LRRC4C: variants seen among roughly 807,000 people sequenced by gnomAD.
The protein encoded by LRRC4C is leucine-rich repeat-containing protein 4C.
In LRRC4C, 5 loss-of-function variants were observed where a neutral mutation model predicts 33.6. That is an observed-to-expected ratio of 0.15 (90% CI 0.08 to 0.31). LRRC4C has a LOEUF of 0.31. LRRC4C is among the 10% of genes least tolerant of loss of function. LRRC4C has a pLI of 1.00. For synonymous variants in LRRC4C, 329 were observed against 302.0 expected (o/e 1.09, Z -0.93); for missense variants, 560 against 796.7 (o/e 0.70, Z 3.58).
At chr11:40,630,330 CTCTTCT>C (rs200043868) in intron 3 of LRRC4C, among the ~76,000 whole-genome samples, 13,333 of 135,088 alleles carry the variant, frequency 0.099, 763 homozygotes, top group East Asian at 0.16. Flanking sequence ...TTTCTTCTTC[CTCTTCT>C]TCTTCTTCTT....
At chr11:40,920,385 AAT>A (rs527850985) in intron 2 of LRRC4C, among the ~76,000 whole-genome samples, 2 of 152,148 alleles carry the variant, frequency 1.3e-5, no homozygotes, top group Non-Finnish European at 2.9e-5. Context: ...GAAGACATTA[AAT>A]AAAAGCATTT....
chr11:41,207,855 T>A (rs1946662475), intron 1 of LRRC4C, among the ~76,000 whole-genome samples: 1 of 152,130 alleles, frequency 6.6e-6, no homozygotes, highest in African/African-American at 2.4e-5. Context: ...TTTAGTACTG[T>A]GAAGTGGGGT....
intron 1 of LRRC4C, among the ~76,000 whole-genome samples, chr11:41,428,726 C>A (rs4756645): frequency 0.82 from 124,221 of 152,022 alleles, 52,832 homozygotes; most frequent in Non-Finnish European, 0.92. Flanking sequence ...TTTCGCTCTC[C>A]TTTTCTCTCT....
At chr11:41,396,507 C>CAGGTA (rs1953820771) in intron 1 of LRRC4C, among the ~76,000 whole-genome samples, 1 of 151,906 alleles carries the variant, frequency 6.6e-6, no homozygotes, top group African/African-American at 2.4e-5. Flanking sequence ...TATAATCAGA[C>CAGGTA]AGGTGTTCCT....
At chr11:41,058,125 C>T (rs761187993) in intron 1 of LRRC4C, among the ~76,000 whole-genome samples, 10 of 152,228 alleles carry the variant, frequency 6.6e-5, no homozygotes, top group Non-Finnish European at 2.9e-5. Flanking sequence ...GCTTGCCATG[C>T]TGTGAGCAAA....
At chr11:40,151,498 A>T (rs1858204864) in intron 5 of LRRC4C, among the ~76,000 whole-genome samples, 1 of 152,192 alleles carries the variant, frequency 6.6e-6, no homozygotes. Context: ...TCTCATAGTT[A>T]TATCTTTTCA....
chr11:40,991,034 C>T (rs1483279351), intron 1 of LRRC4C, among the ~76,000 whole-genome samples: 1 of 147,750 alleles, frequency 6.8e-6, no homozygotes, highest in Admixed American at 6.8e-5. Context: ...TCAGAAATGG[C>T]TACCAACAGT....
At chr11:40,757,095 C>T (rs1591638803) in intron 2 of LRRC4C, among the ~76,000 whole-genome samples, 1 of 152,014 alleles carries the variant, frequency 6.6e-6, no homozygotes, top group Non-Finnish European at 1.5e-5. Flanking sequence ...TTTCCCCTTT[C>T]CCCATGCCAA....
chr11:40,685,134 G>C (rs973696844), intron 2 of LRRC4C, among the ~76,000 whole-genome samples: 9 of 152,032 alleles, frequency 5.9e-5, no homozygotes, highest in Middle Eastern at 3.4e-3. Context: ...CAATCAGATT[G>C]ACCTGCTAAA....
intron 4 of LRRC4C, among the ~76,000 whole-genome samples, chr11:40,306,190 T>C (rs1234016928): frequency 3.3e-5 from 5 of 152,226 alleles, no homozygotes; most frequent in African/African-American, 1.2e-4. Context: ...AAGGAAAATG[T>C]CATTTTGTCC....
chr11:40,451,038 ACTCT>A (rs145436158), intron 3 of LRRC4C, among the ~76,000 whole-genome samples: 1 of 151,716 alleles, frequency 6.6e-6, no homozygotes, highest in Non-Finnish European at 1.5e-5. Flanking sequence ...AATAGATGTA[ACTCT>A]CTCTATATAT....
chr11:40,397,417 AG>A (rs1282392794), intron 3 of LRRC4C, among the ~76,000 whole-genome samples: 6 of 152,282 alleles, frequency 3.9e-5, no homozygotes, highest in African/African-American at 1.4e-4. Context: ...TACTGTAAAA[AG>A]AAAAAAACGT....
At chr11:40,122,241 C>CT (rs1167254487) in intron 6 of LRRC4C, among the ~76,000 whole-genome samples, 4 of 151,960 alleles carry the variant, frequency 2.6e-5, no homozygotes, top group Non-Finnish European at 4.4e-5. Flanking sequence ...ACTTCCAATT[C>CT]TTTTTTTTAA....
chr11:41,119,280 T>A (rs1364645964), intron 1 of LRRC4C, among the ~76,000 whole-genome samples: 1 of 152,146 alleles, frequency 6.6e-6, no homozygotes. Flanking sequence ...ACTGCAATCA[T>A]CTCAGTTTTT....
intron 4 of LRRC4C, among the ~76,000 whole-genome samples, chr11:40,267,707 T>G (rs1359278221): frequency 1.3e-5 from 2 of 152,192 alleles, no homozygotes; most frequent in Non-Finnish European, 2.9e-5. Flanking sequence ...GGAGCCTCTT[T>G]GTGTATAAAA....
intron 2 of LRRC4C, among the ~76,000 whole-genome samples, chr11:40,886,450 C>T (rs1323229733): frequency 6.6e-6 from 1 of 151,340 alleles, no homozygotes; most frequent in Non-Finnish European, 1.5e-5. Context: ...CACACTCTCA[C>T]AAACCTCACA....
intron 1 of LRRC4C, among the ~76,000 whole-genome samples, chr11:41,157,535 T>C (rs1944288125): frequency 6.6e-6 from 1 of 152,156 alleles, no homozygotes; most frequent in African/African-American, 2.4e-5. Flanking sequence ...TTAAATCCAC[T>C]ATTGGCAGAA....
chr11:40,526,500 G>A (rs1433368887), intron 3 of LRRC4C, among the ~76,000 whole-genome samples: 1 of 151,960 alleles, frequency 6.6e-6, no homozygotes, highest in Non-Finnish European at 1.5e-5. Context: ...TTAGTCACCA[G>A]GGAAATACAA....
intron 1 of LRRC4C, among the ~76,000 whole-genome samples, chr11:41,222,266 G>A (rs1299050544): frequency 1.3e-5 from 2 of 152,126 alleles, no homozygotes; most frequent in Non-Finnish European, 2.9e-5. Context: ...CTTGAATAAA[G>A]GTTCTATCAC....
Sources: allele counts gnomAD v4.1 joint callset (sites outside exome capture counted in the v4.1 genomes callset), GRCh38; gene constraint gnomAD v4.1.1; transcripts MANE v1.5; gene names NCBI Gene and HGNC (gene_info 2026-07-23, HGNC 2026-07-21).